DDX60: variants seen among roughly 807,000 people sequenced by gnomAD.
DDX60 encodes the protein DExD/H-box helicase 60, also known as probable ATP-dependent RNA helicase DDX60.
A neutral mutation model predicts 212.8 loss-of-function variants in DDX60; 165 were observed. The ratio of observed to expected loss-of-function variants is 0.78; its 90% CI spans 0.68 to 0.88. DDX60 has a LOEUF of 0.88. Among genes scored for constraint, DDX60 ranks in the 40% least tolerant of loss-of-function variants. The pLI, the probability that DDX60 is intolerant of heterozygous loss-of-function variation, is 0.00. For synonymous variants in DDX60, 703 were observed against 685.3 expected (o/e 1.03, Z -0.40); for missense variants, 1,905 against 2,003.9 (o/e 0.95, Z 0.94).
At chr4:168,313,372 T>C (rs983656859) in intron 1 of DDX60, among the ~76,000 whole-genome samples, 1 of 152,178 alleles carries the variant, frequency 6.6e-6, no homozygotes, top group African/African-American at 2.4e-5. Flanking sequence ...CTACATGGCA[T>C]AGGACAGGGT....
chr4:168,277,367 G>A (rs1323679805), intron 14 of DDX60, among the ~76,000 whole-genome samples: 1 of 152,090 alleles, frequency 6.6e-6, no homozygotes, highest in East Asian at 1.9e-4. Context: ...CCTTAACCAC[G>A]CCCACAACCT....
At chr4:168,300,744 G>A (rs1372847586) in intron 6 of DDX60, among the ~76,000 whole-genome samples, 1 of 152,012 alleles carries the variant, frequency 6.6e-6, no homozygotes, top group Non-Finnish European at 1.5e-5. Flanking sequence ...CATAATAAAG[G>A]ATAACATAAC....
In DDX60 at chr4:168,288,219, A is replaced by G; in HGVS notation, c.1138T>C (p.Leu380=). The part of the protein sequence containing the change: ...IHLSDLNDEL[L]LKNIAFYYEN... The stretch of plus-strand genomic sequence containing the variant: ...TAGTAAAAAGCAATATTCTTCAACA[A>G]AAGCTCATCATTTAAGTCAGAAAGG... Residue 380 remains leucine, a synonymous_variant, in exon 9 of 38, where the codon TTG becomes CTG. Transcript: ENST00000393743. The G allele has an allele frequency of 6.6e-7, 1 of 1,522,138 alleles. No individual in the cohort carries two copies. The allele number at this position is 1,522,138 out of a possible 1,614,324, so 94.3% of individuals were successfully genotyped here.
At chr4:168,292,049 CT>C (rs772095573) in intron 7 of DDX60, 143 bp from the exon 8 acceptor site, 27,838 of 301,524 alleles carry the variant, frequency 0.092, 5 homozygotes, top group East Asian at 0.17. Flanking sequence ...TTCTTTCTTT[CT>C]TTTTTTTTTT....
intron 25 of DDX60, among the ~76,000 whole-genome samples, chr4:168,258,179 T>C (rs1176617950): frequency 6.6e-6 from 1 of 152,256 alleles, no homozygotes; most frequent in Non-Finnish European, 1.5e-5. Flanking sequence ...TAGACCTTAT[T>C]CAATAACATT....
chr4:168,302,068 CAA>C (rs35771120), intron 6 of DDX60, among the ~76,000 whole-genome samples: 11,754 of 152,148 alleles, frequency 0.077, 1,430 homozygotes, highest in African/African-American at 0.26. Context: ...CCTGAAATAG[CAA>C]AGAGACATGA....
chr4:168,256,743 C>T (rs1734429147), intron 25 of DDX60, among the ~76,000 whole-genome samples: 1 of 152,208 alleles, frequency 6.6e-6, no homozygotes, highest in Admixed American at 6.5e-5. Flanking sequence ...TGGCAAAATG[C>T]TGTGGCTGCA....
intron 1 of DDX60, among the ~76,000 whole-genome samples, chr4:168,312,127 T>C (rs370275403): frequency 4.0e-4 from 61 of 152,234 alleles, no homozygotes; most frequent in African/African-American, 1.4e-3. Context: ...CTGGACTGGA[T>C]GTGGATGGAC....
chr4:168,310,654 T>C (rs971159471), intron 3 of DDX60, among the ~76,000 whole-genome samples: 5 of 152,112 alleles, frequency 3.3e-5, no homozygotes, highest in African/African-American at 1.2e-4. Context: ...GAGAAAGCTA[T>C]TGCAGTTAAG....
chr4:168,267,863 T>C lies in DDX60; in HGVS notation c.2907A>G (p.Lys969=). 1 of 1,612,372 alleles carries C rather than the reference T, an allele frequency of 6.2e-7. No homozygotes were observed. ...AGFPKDYLQV[K]QSYKVRLVLY... ...TACCAAGTCTAACTTTATACGATTG[T>C]TTTACTTGCAAGTAGTCTTTGGGAA... Residue 969 remains lysine, a synonymous_variant, in exon 21 of 38, where the codon AAA becomes AAG. Transcript: ENST00000393743.
intron 3 of DDX60, 64 bp from the exon 4 acceptor site, chr4:168,308,259 C>T (rs919944494): frequency 1.9e-5 from 18 of 966,100 alleles, no homozygotes; most frequent in Admixed American, 3.0e-5. Flanking sequence ...AAAAAGGCAT[C>T]GTTCTTATTA....
At position 168,262,866 on chromosome 4, in the gene DDX60, C is replaced by T. The variant is rs937236159; in HGVS notation, c.3040-79G>A. ...CTTTGCCTCTTAGTCACTATCATAA[C>T]CCAAAGACACTGAAAGGCAATAAAC... On this transcript the variant is annotated intron_variant, in intron 22 of 37. Coordinates refer to ENST00000393743, the MANE Select transcript of DDX60 (RefSeq NM_017631.6). The T allele has an allele frequency of 1.1e-5, 10 of 908,172 alleles. No homozygotes were observed. The Admixed American group carries it at 3.0e-4, about 27-fold the overall frequency. The allele number at this position is 908,172 out of a possible 1,614,324, so 56.3% of individuals were successfully genotyped here.
chr4:168,238,704 T>G (rs1432786870), intron 30 of DDX60, among the ~76,000 whole-genome samples: 1 of 151,982 alleles, frequency 6.6e-6, no homozygotes. Context: ...GGGTGAGGGT[T>G]TCATGGTGGT....
intron 1 of DDX60, among the ~76,000 whole-genome samples, chr4:168,312,748 AT>A (rs149707630): frequency 9.7e-5 from 14 of 143,952 alleles, no homozygotes; most frequent in South Asian, 2.2e-4. Flanking sequence ...ATAGATAGAT[AT>A]GATAGAGAGA....
intron 33 of DDX60, among the ~76,000 whole-genome samples, chr4:168,230,238 A>T (rs974633422): frequency 5.3e-5 from 8 of 152,132 alleles, no homozygotes; most frequent in Non-Finnish European, 1.2e-4. Flanking sequence ...TAATATACCT[A>T]AGAAATGAGA....
chr4:168,225,958 A>G (rs1343008269), intron 33 of DDX60, among the ~76,000 whole-genome samples: 1 of 152,090 alleles, frequency 6.6e-6, no homozygotes, highest in Non-Finnish European at 1.5e-5. Context: ...CATGCCCTCA[A>G]ATAACATTAG....
At chr4:168,241,999 C>T (rs765618289) in intron 30 of DDX60, among the ~76,000 whole-genome samples, 2 of 152,242 alleles carry the variant, frequency 1.3e-5, no homozygotes, top group East Asian at 3.9e-4. Flanking sequence ...CAGCTGCTCC[C>T]GCTATGACTA....
At chr4:168,294,223 T>G (rs1736241837) in intron 6 of DDX60, among the ~76,000 whole-genome samples, 1 of 152,024 alleles carries the variant, frequency 6.6e-6, no homozygotes. Flanking sequence ...AACAATGAAA[T>G]GAAATTAGAT....
At chr4:168,313,390 T>C (rs1055132978) in intron 1 of DDX60, among the ~76,000 whole-genome samples, 21 of 152,170 alleles carry the variant, frequency 1.4e-4, no homozygotes, top group African/African-American at 4.8e-4. Context: ...GGTGACTCAT[T>C]GGAGATGACA....
Sources: allele counts gnomAD v4.1 joint callset (sites outside exome capture counted in the v4.1 genomes callset), GRCh38; gene constraint gnomAD v4.1.1; transcripts MANE v1.5; gene names NCBI Gene and HGNC (gene_info 2026-07-23, HGNC 2026-07-21).